Variants in LBHD2 observed in about 807,000 individuals in gnomAD.
LBHD2 encodes LBH domain-containing protein 2.
intron 1 of LBHD2, 119 bp from the exon 2 acceptor site, chr14:103,085,857 G>A: frequency 2.5e-6 from 1 of 395,904 alleles, no homozygotes; most frequent in Non-Finnish European, 4.4e-6. Flanking sequence ...AGGTCCAGCT[G>A]GAGCCATGGG....
chr14:103,084,715 G>GTCTC lies in LBHD2; in HGVS notation c.-38+384_-38+387dup, dbSNP rs369355777. ...AAGTGTCATCTGTGGGTCTGTTTCT[G>GTCTC]TCTCTCTCTCTCTCTCTCTTCTCCT... On this transcript the variant is annotated intron_variant, in intron 1 of 3. Coordinates refer to ENST00000634353, the MANE Select transcript of LBHD2 (RefSeq NM_001330236.2). 3.2e-3 allele frequency among the ~76,000 whole-genome samples: 477 copies of GTCTC among 149,982 alleles called. 2 individuals carry two copies. The highest frequency in any genetic ancestry group is 0.021 in the Middle Eastern group (6 of 282).
At chr14:103,086,213 T>A (rs1889630807) in intron 2 of LBHD2, 132 bp downstream of exon 2, 1 of 394,886 alleles carries the variant, frequency 2.5e-6, no homozygotes. Flanking sequence ...TGCTTATTTA[T>A]TTATTTATTT....
chr14:103,088,255 C>A lies in LBHD2; in HGVS notation c.226+14C>A, dbSNP rs1595223193. On this transcript the variant is annotated intron_variant, in intron 3 of 3. Transcript: ENST00000634353. ...GGGCTGCTGCTGGTAAGTGAGGGTG[C>A]CTGTGGGGGTGCTGAGAGGAGGAAG... 7.5e-6 allele frequency: 3 copies of A among 398,804 alleles called. No individual in the cohort carries two copies. The highest frequency in any genetic ancestry group is 4.4e-5 in the Admixed American group (1 of 22,718). 24.7% of individuals were successfully genotyped at this position (398,804 alleles called of 1,614,324 possible). A position where few individuals can be genotyped will look rare whatever the true frequency, so the allele number is the denominator to read the frequency against.
chr14:103,089,661 C>A (rs940539849), intron 3 of LBHD2, 36 bp from the exon 4 acceptor site: 38 of 398,534 alleles, frequency 9.5e-5, no homozygotes, highest in African/African-American at 7.6e-4. Flanking sequence ...TGCACTCCCC[C>A]CGCCGACCAA....
chr14:103,087,407 C>T (rs1338269761), intron 2 of LBHD2, among the ~76,000 whole-genome samples: 1 of 152,216 alleles, frequency 6.6e-6, no homozygotes, highest in Non-Finnish European at 1.5e-5. Flanking sequence ...CCAGGCAGGG[C>T]CATCTGCCCG....
In LBHD2 at chr14:103,088,261, G is replaced by A; in HGVS notation, c.226+20G>A. On this transcript the variant is annotated intron_variant, in intron 3 of 3. Transcript: ENST00000634353. ...CTGCTGGTAAGTGAGGGTGCCTGTG[G>A]GGGTGCTGAGAGGAGGAAGTGGCCA... 2.5e-6 allele frequency: 1 copy of A among 398,978 alleles called. No homozygotes were observed. Among genetic ancestry groups the A allele is most frequent in the Admixed American group, 4.4e-5 (1 of 22,746 alleles). 24.7% of individuals were successfully genotyped at this position (398,978 alleles called of 1,614,324 possible).
intron 3 of LBHD2, 145 bp from the exon 4 acceptor site, chr14:103,089,552 C>T: frequency 2.5e-6 from 1 of 396,702 alleles, no homozygotes; most frequent in Non-Finnish European, 4.4e-6. Context: ...CCTGGCCGAG[C>T]ACCCCTCCCG....
intron 1 of LBHD2, among the ~76,000 whole-genome samples, chr14:103,085,162 C>T (rs897316247): frequency 6.6e-6 from 1 of 152,292 alleles, no homozygotes; most frequent in Middle Eastern, 3.4e-3. Context: ...CCCAGCAGGA[C>T]GTCACAGGCA....
chr14:103,086,658 C>G (rs1341936062), intron 2 of LBHD2, among the ~76,000 whole-genome samples: 4 of 152,100 alleles, frequency 2.6e-5, no homozygotes, highest in African/African-American at 9.7e-5. Context: ...TGCCAGGGTT[C>G]CCTGCCCCTA....
chr14:103,089,672 C>G, intron 3 of LBHD2, 25 bp from the exon 4 acceptor site: 1 of 398,716 alleles, frequency 2.5e-6, no homozygotes, highest in Non-Finnish European at 4.4e-6. Flanking sequence ...CGCCGACCAA[C>G]ACGGCCGCCT....
At chr14:103,088,504 G>T (rs530924977) in intron 3 of LBHD2, among the ~76,000 whole-genome samples, 1 of 152,378 alleles carries the variant, frequency 6.6e-6, no homozygotes, top group South Asian at 2.1e-4. Context: ...GGCACGGGAG[G>T]TGCACGGTGC....
At chr14:103,086,447 G>A (rs543624054) in intron 2 of LBHD2, among the ~76,000 whole-genome samples, 100 of 152,292 alleles carry the variant, frequency 6.6e-4, no homozygotes, top group African/African-American at 2.4e-3. Flanking sequence ...CTGACCTCAG[G>A]TGATCCACCT....
intron 2 of LBHD2, among the ~76,000 whole-genome samples, chr14:103,087,222 T>C (rs1026303343): frequency 6.6e-6 from 1 of 152,128 alleles, no homozygotes; most frequent in Non-Finnish European, 1.5e-5. Flanking sequence ...TAAAAGAGAG[T>C]CTGGGCTGGA....
At chr14:103,088,484 C>T (rs867626427) in intron 3 of LBHD2, among the ~76,000 whole-genome samples, 2 of 152,256 alleles carry the variant, frequency 1.3e-5, no homozygotes, top group Admixed American at 1.3e-4. Flanking sequence ...CACTCTCAGC[C>T]GCAGGCCTGG....
At position 103,086,074 on chromosome 14, in the gene LBHD2, A is replaced by G. The variant is rs1266854915; in HGVS notation, c.62A>G (p.Glu21Gly). The change falls in exon 2 of 4, where the codon GAA becomes GGA. Residue 21 changes from glutamate (E) to glycine (G), a missense_variant. Physicochemically the swap from Glu to Gly is moderately conservative, Grantham distance 98 (BLOSUM62 -2). Coordinates refer to ENST00000634353, the MANE Select transcript of LBHD2 (RefSeq NM_001330236.2). ...PGAAEGAGGP[E>G]GKAVAGAWEK... ...GCTGCTGAGGGGGCTGGAGGCCCAG[A>G]AGGGAAGGTATGCGCTCGGGACCCT... 1.5e-5 allele frequency: 6 copies of G among 397,520 alleles called. No homozygotes were observed. The highest frequency in any genetic ancestry group is 4.4e-5 in the Admixed American group (1 of 22,526). 24.6% of individuals were successfully genotyped at this position (397,520 alleles called of 1,614,324 possible).
rs938074038 is a variant in LBHD2, at chr14:103,086,083, T to G, written c.69+2T>G. 3.0e-5 allele frequency: 12 copies of G among 394,668 alleles called. No individual in the cohort carries two copies. Among genetic ancestry groups the G allele is most frequent in the African/African-American group, 2.3e-4 (11 of 48,254 alleles). 24.4% of individuals were successfully genotyped at this position (394,668 alleles called of 1,614,324 possible). On this transcript the variant is annotated splice_donor_variant, in intron 2 of 3. Coordinates refer to ENST00000634353, the MANE Select transcript of LBHD2 (RefSeq NM_001330236.2). LOFTEE classifies it high-confidence loss of function. ...GGGGCTGGAGGCCCAGAAGGGAAGG[T>G]ATGCGCTCGGGACCCTGGGGGGGTC...
Position 103,088,224 on chromosome 14 carries a change from A to G in LBHD2, c.209A>G (p.Gln70Arg). ...GAGAGTGCCCAGAGGGGCCCCTCTC[A>G]GAGCCGGGCTGCTGCTGGTAAGTGA... ...PLESAQRGPS[Q>R]SRAAAAPSPS... The change falls in exon 3 of 4, where the codon CAG becomes CGG. Residue 70 changes from glutamine (Q) to arginine (R), a missense_variant. Physicochemically the swap from Gln to Arg is conservative, Grantham distance 43. Coordinates refer to ENST00000634353, the MANE Select transcript of LBHD2 (RefSeq NM_001330236.2). 2.5e-6 allele frequency: 1 copy of G among 398,814 alleles called. No homozygotes were observed. Among genetic ancestry groups the G allele is most frequent in the East Asian group, 3.6e-5 (1 of 28,068 alleles). The allele number at this position is 398,814 out of a possible 1,614,324, so 24.7% of individuals were successfully genotyped here.
At chr14:103,084,811 T>G (rs1349071278) in intron 1 of LBHD2, among the ~76,000 whole-genome samples, 1 of 152,192 alleles carries the variant, frequency 6.6e-6, no homozygotes, top group East Asian at 1.9e-4. Flanking sequence ...CTCTGCCTCC[T>G]TCCCAAGGCT....
intron 2 of LBHD2, among the ~76,000 whole-genome samples, chr14:103,087,417 G>C (rs1046039954): frequency 1.3e-5 from 2 of 152,230 alleles, no homozygotes; most frequent in Admixed American, 1.3e-4. Context: ...CCATCTGCCC[G>C]AGCACAGGCG....
Sources: allele counts gnomAD v4.1 joint callset (sites outside exome capture counted in the v4.1 genomes callset), GRCh38; gene constraint gnomAD v4.1.1; transcripts MANE v1.5; gene names NCBI Gene and HGNC (gene_info 2026-07-23, HGNC 2026-07-21).